Variants in SSBP2 observed in about 807,000 individuals in gnomAD.
SSBP2 encodes the protein single stranded DNA binding protein 2, also known as single-stranded DNA-binding protein 2.
Under a neutral mutation model 61.8 loss-of-function variants are expected in SSBP2, and 17 were observed. The ratio of observed to expected loss-of-function variants is 0.28; its 90% CI spans 0.19 to 0.41. The LOEUF is 0.41. Ranked by LOEUF, SSBP2 falls within the 10% of genes least tolerant of loss-of-function variation. The probability of loss-of-function intolerance (pLI) is 1.00; values close to 1 mark genes in which losing one functional copy is unlikely to be tolerated. For synonymous variants in SSBP2, 139 were observed against 141.3 expected (o/e 0.98, Z 0.12); for missense variants, 310 against 458.7 (o/e 0.68, Z 2.96).
chr5:81,579,210 C>T (rs943505193), intron 4 of SSBP2, among the ~76,000 whole-genome samples: 11 of 151,876 alleles, frequency 7.2e-5, no homozygotes, highest in African/African-American at 1.9e-4. Flanking sequence ...TTATGAAACC[C>T]ACATGGAGAA....
At chr5:81,507,060 T>C (rs1286338853) in intron 5 of SSBP2, among the ~76,000 whole-genome samples, 1 of 152,054 alleles carries the variant, frequency 6.6e-6, no homozygotes, top group Non-Finnish European at 1.5e-5. Flanking sequence ...TATTACTATG[T>C]CAAAGCATTA....
chr5:81,638,771 T>G (rs1748498861), intron 2 of SSBP2, among the ~76,000 whole-genome samples: 1 of 152,086 alleles, frequency 6.6e-6, no homozygotes, highest in Non-Finnish European at 1.5e-5. Flanking sequence ...TACATGTAAC[T>G]AGGAAAAAGG....
At chr5:81,566,371 G>T (rs1349023510) in intron 4 of SSBP2, among the ~76,000 whole-genome samples, 1 of 152,100 alleles carries the variant, frequency 6.6e-6, no homozygotes, top group Non-Finnish European at 1.5e-5. Flanking sequence ...TGTTCTTGTG[G>T]TAGTGAATAA....
chr5:81,601,427 A>C (rs1385362324), intron 4 of SSBP2, among the ~76,000 whole-genome samples: 1 of 152,180 alleles, frequency 6.6e-6, no homozygotes, highest in Non-Finnish European at 1.5e-5. Context: ...ACAAAACTAA[A>C]TACACACACA....
At chr5:81,738,557 T>C (rs1040030685) in intron 1 of SSBP2, among the ~76,000 whole-genome samples, 4 of 152,182 alleles carry the variant, frequency 2.6e-5, no homozygotes, top group Non-Finnish European at 4.4e-5. Context: ...AAACTCATCA[T>C]CTTCCTCCTT....
intron 13 of SSBP2, among the ~76,000 whole-genome samples, chr5:81,440,858 T>A (rs1204805321): frequency 6.6e-6 from 1 of 152,230 alleles, no homozygotes; most frequent in African/African-American, 2.4e-5. Context: ...ATGTTTAGCT[T>A]AATCATCATT....
Position 81,528,541 on chromosome 5 carries a change from C to G in SSBP2, c.283-14824G>C, listed in dbSNP as rs757644911. 1.5e-3 allele frequency among the ~76,000 whole-genome samples: 232 copies of G among 152,104 alleles called. 6 individuals are homozygous for G. Among genetic ancestry groups the G allele is most frequent in the Admixed American group, 3.0e-3 (46 of 15,248 alleles). ...TCATTTCATCCGAATAGTAATTTGA[C>G]TACTGTAACATGCCCACATAATTCA... On this transcript the variant is annotated intron_variant, in intron 4 of 16. Transcript: ENST00000320672.
intron 3 of SSBP2, among the ~76,000 whole-genome samples, chr5:81,632,286 C>T (rs556083573): frequency 1.5e-4 from 23 of 152,220 alleles, no homozygotes; most frequent in Admixed American, 5.9e-4. Flanking sequence ...ACTTTTCTTT[C>T]GTTTCTATTC....
intron 15 of SSBP2, among the ~76,000 whole-genome samples, chr5:81,433,729 T>C (rs1762490603): frequency 6.6e-6 from 1 of 152,212 alleles, no homozygotes; most frequent in Admixed American, 6.5e-5. Context: ...AGGAATTTCA[T>C]ATATCATCTT....
intron 1 of SSBP2, among the ~76,000 whole-genome samples, chr5:81,671,950 T>C (rs111891309): frequency 1.1e-3 from 163 of 152,312 alleles, no homozygotes; most frequent in African/African-American, 3.6e-3. Flanking sequence ...TTATCTACAC[T>C]ATATGTGACA....
At chr5:81,652,796 G>T (rs1323132736) in intron 1 of SSBP2, among the ~76,000 whole-genome samples, 2 of 151,722 alleles carry the variant, frequency 1.3e-5, no homozygotes, top group East Asian at 3.9e-4. Flanking sequence ...AGCTGTGTTT[G>T]ATTACATGAG....
At chr5:81,465,907 G>GT (rs1305093107) in intron 9 of SSBP2, among the ~76,000 whole-genome samples, 1 of 151,928 alleles carries the variant, frequency 6.6e-6, no homozygotes, top group Admixed American at 6.6e-5. Context: ...TGCTCTGTTA[G>GT]TTTTAAGCCT....
chr5:81,549,644 T>C (rs1195158519), intron 4 of SSBP2, among the ~76,000 whole-genome samples: 1 of 152,224 alleles, frequency 6.6e-6, no homozygotes, highest in Non-Finnish European at 1.5e-5. Context: ...AAAGAATACA[T>C]GAATGATTCA....
At chr5:81,740,641 T>G (rs2154019649) in intron 1 of SSBP2, among the ~76,000 whole-genome samples, 1 of 152,230 alleles carries the variant, frequency 6.6e-6, no homozygotes, top group South Asian at 2.1e-4. Flanking sequence ...TACAGGATCC[T>G]TTTTTCCTAA....
intron 4 of SSBP2, among the ~76,000 whole-genome samples, chr5:81,565,618 T>C (rs1241054207): frequency 6.6e-6 from 1 of 152,176 alleles, no homozygotes; most frequent in African/African-American, 2.4e-5. Flanking sequence ...TATAGAATTA[T>C]CAAGTCATAC....
At chr5:81,541,035 T>C (rs1771227007) in intron 4 of SSBP2, among the ~76,000 whole-genome samples, 1 of 152,094 alleles carries the variant, frequency 6.6e-6, no homozygotes, top group African/African-American at 2.4e-5. Flanking sequence ...CTGCCAAAAG[T>C]TTCCTGGAGC....
intron 12 of SSBP2, among the ~76,000 whole-genome samples, chr5:81,444,618 A>G (rs1763253791): frequency 6.6e-6 from 1 of 152,208 alleles, no homozygotes; most frequent in Non-Finnish European, 1.5e-5. Flanking sequence ...AATAAACTCA[A>G]TCACACACAA....
intron 5 of SSBP2, among the ~76,000 whole-genome samples, chr5:81,498,651 TTTAA>T (rs1429582543): frequency 2.6e-5 from 4 of 152,068 alleles, no homozygotes; most frequent in Admixed American, 6.5e-5. Context: ...TTTTAGTTAA[TTTAA>T]TTATCTTTCC....
chr5:81,630,713 GA>G (rs1419839012), intron 3 of SSBP2, among the ~76,000 whole-genome samples: 1 of 146,378 alleles, frequency 6.8e-6, no homozygotes, highest in Non-Finnish European at 1.5e-5. Flanking sequence ...ACAGAAAAAG[GA>G]AAAAAATGGC....
Sources: allele counts gnomAD v4.1 joint callset (sites outside exome capture counted in the v4.1 genomes callset), GRCh38; gene constraint gnomAD v4.1.1; transcripts MANE v1.5; gene names NCBI Gene and HGNC (gene_info 2026-07-23, HGNC 2026-07-21).